Variants in DLL3 observed in about 807,000 individuals in gnomAD.
The protein encoded by DLL3 is delta like canonical Notch ligand 3, also known as delta-like protein 3.
A neutral mutation model predicts 55.0 loss-of-function variants in DLL3; 49 were observed. The ratio of observed to expected loss-of-function variants is 0.89; its 90% CI spans 0.71 to 1.13. The LOEUF (loss-of-function observed/expected upper bound fraction) is 1.13, where lower values mean the gene tolerates loss of function less well. Among genes scored for constraint, DLL3 ranks in the 50% most tolerant of loss-of-function variants. The pLI is 0.00. For missense variants in DLL3, 962 were observed against 875.5 expected, an observed-to-expected ratio of 1.10 and a Z score of -1.25; for synonymous variants, 421 against 385.2, an observed-to-expected ratio of 1.09 and a Z score of -1.09.
rs267605475 is a variant in DLL3, at chr19:39,499,461, G to C, written c.339G>C (p.Arg113=). 8 of 1,590,308 alleles carry C rather than the reference G, an allele frequency of 5.0e-6. No individual in the cohort carries two copies. Among genetic ancestry groups the C allele is most frequent in the African/African-American group, 1.3e-5 (1 of 74,854 alleles). Residue 113 remains arginine (R), a synonymous_variant, in exon 2 of 9, where the codon CGG becomes CGC. Transcript: ENST00000356433. ...LPDGLLQVPF[R]DAWPGTFSFI... ...ACGGCCTCTTGCAGGTGCCCTTCCG[G>C]GACGCCTGGCCTGTAAGTGCTGCCC...
At chr19:39,500,218 G>C (rs151162827) in intron 2 of DLL3, among the ~76,000 whole-genome samples, 2 of 150,742 alleles carry the variant, frequency 1.3e-5, no homozygotes, top group South Asian at 4.2e-4. Context: ...TCCTGAGCCC[G>C]GCAGTTTGAG....
chr19:39,502,934 C>A lies in DLL3; in HGVS notation c.529C>A (p.Arg177Ser), dbSNP rs2079618472. ...GGAGCTGCGCTTCTCGTACCGCGCG[C>A]GCTGCGAGCCGCCTGCCGTCGGGAC... ...AWELRFSYRARCEPPAVGTAC... is the reference protein window; with the variant it reads ...AWELRFSYRASCEPPAVGTAC... Residue 177 changes from arginine to serine, a missense_variant, in exon 4 of 9, where the codon CGC (arginine) becomes AGC (serine). By Grantham distance (110) the Arg-to-Ser change is moderately radical (BLOSUM62 -1). Coordinates refer to ENST00000356433, the MANE Select transcript of DLL3 (RefSeq NM_203486.3). 6.9e-7 allele frequency: 1 copy of A among 1,439,552 alleles called. No homozygotes were observed. 89.2% of individuals were successfully genotyped at this position (1,439,552 alleles called of 1,614,324 possible).
At chr19:39,505,109 C>T (rs1416781995) in intron 5 of DLL3, 120 bp from the exon 6 acceptor site, 7 of 988,302 alleles carry the variant, frequency 7.1e-6, no homozygotes, top group Non-Finnish European at 6.3e-6. Flanking sequence ...CCCAGGGTGG[C>T]CCCTGCATAG....
chr19:39,507,684 A>G (rs1043822603), intron 7 of DLL3, 66 bp downstream of exon 7: 11 of 1,587,056 alleles, frequency 6.9e-6, no homozygotes, highest in Non-Finnish European at 9.4e-6. Flanking sequence ...TCCGTGGTGC[A>G]GTTGGCCCGA....
chr19:39,499,427 C>A lies in DLL3; in HGVS notation c.305C>A (p.Pro102Gln). The change falls in exon 2 of 9, where the codon CCA (proline) becomes CAA (glutamine). Residue 102 changes from proline (P) to glutamine (Q), a missense_variant. By Grantham distance (76) the Pro-to-Gln change is moderately conservative (BLOSUM62 -1). Coordinates refer to ENST00000356433, the MANE Select transcript of DLL3 (RefSeq NM_203486.3). ...CCCGGAGCGCCCGCGCCTGATCTCC[C>A]ACTGCCCGACGGCCTCTTGCAGGTG... ...EQPGAPAPDL[P>Q]LPDGLLQVPF... 6.3e-7 allele frequency: 1 copy of A among 1,590,778 alleles called. No individual in the cohort carries two copies. The highest frequency in any genetic ancestry group is 2.2e-5 in the East Asian group (1 of 44,460).
chr19:39,499,145 G>C (rs1192746938), intron 1 of DLL3, 47 bp from the exon 2 acceptor site: 4 of 1,606,086 alleles, frequency 2.5e-6, no homozygotes, highest in Non-Finnish European at 3.4e-6. Flanking sequence ...CGGACGGGAA[G>C]CCTGGGTCCT....
chr19:39,506,993 G>C (rs1600757524), intron 6 of DLL3, 46 bp from the exon 7 acceptor site: 24 of 1,525,066 alleles, frequency 1.6e-5, no homozygotes, highest in Non-Finnish European at 2.0e-5. Context: ...GGGCAGGTGG[G>C]TCCCCGGCTC....
chr19:39,508,190 CG>C (rs1568452208), intron 8 of DLL3, 61 bp from the exon 9 acceptor site: 3 of 1,613,930 alleles, frequency 1.9e-6, no homozygotes. Flanking sequence ...TTGTACTCAG[CG>C]GGGAGGCAGG....
intron 5 of DLL3, among the ~76,000 whole-genome samples, chr19:39,504,526 G>C (rs1341552070): frequency 2.0e-5 from 3 of 152,212 alleles, no homozygotes; most frequent in African/African-American, 4.8e-5. Flanking sequence ...GAGTGGAAAT[G>C]ATGAGGAGCC....
chr19:39,499,310 G>T lies in DLL3; in HGVS notation c.188G>T (p.Cys63Phe). ...CCCTGCCGCCTCTTCTTCAGAGTCTGCCTGAAGCCTGGGCTCTCAGAGGAG... is the reference window on the plus strand; with the variant it reads ...CCCTGCCGCCTCTTCTTCAGAGTCTTCCTGAAGCCTGGGCTCTCAGAGGAG... ...RLPCRLFFRVCLKPGLSEEAA... is the reference protein window; with the variant it reads ...RLPCRLFFRVFLKPGLSEEAA... Residue 63 changes from cysteine (C) to phenylalanine (F), a missense_variant, in exon 2 of 9, where the codon TGC becomes TTC. Physicochemically the swap from Cys to Phe is radical, Grantham distance 205 (BLOSUM62 -2). Transcript: ENST00000356433. 6.5e-7 allele frequency: 1 copy of T among 1,544,776 alleles called. No individual in the cohort carries two copies. The highest frequency in any genetic ancestry group is 8.7e-7 in the Non-Finnish European group (1 of 1,149,548).
chr19:39,502,205 A>C (rs535250577), intron 3 of DLL3, among the ~76,000 whole-genome samples: 165 of 152,184 alleles, frequency 1.1e-3, no homozygotes, highest in East Asian at 2.9e-3. Flanking sequence ...AACAAAAAAA[A>C]AACAAATATC....
At position 39,507,719 on chromosome 19, in the gene DLL3, G is replaced by T. The variant is rs964409255; in HGVS notation, c.1673+101G>T. On this transcript the variant is annotated intron_variant, in intron 7 of 8. Coordinates refer to ENST00000356433, the MANE Select transcript of DLL3 (RefSeq NM_203486.3). ...ATTCCTTGATGCATTTCCCTGGTCGGTCTCTCTTACCCCGGTAGCTGGTTT... is the reference window on the plus strand; with the variant it reads ...ATTCCTTGATGCATTTCCCTGGTCGTTCTCTCTTACCCCGGTAGCTGGTTT... 5.6e-6 allele frequency: 9 copies of T among 1,598,540 alleles called. No homozygotes were observed. The Admixed American group carries it at 1.0e-4, about 18-fold the overall frequency.
At position 39,502,844 on chromosome 19, in the gene DLL3, G is replaced by C. The variant is rs1374633544; in HGVS notation, c.439G>C (p.Ala147Pro). The change falls in exon 4 of 9, where the codon GCT (alanine) becomes CCT (proline). Residue 147 changes from alanine to proline, a missense_variant. Physicochemically the swap from Ala to Pro is conservative, Grantham distance 27. Coordinates refer to ENST00000356433, the MANE Select transcript of DLL3 (RefSeq NM_203486.3). ...CGCCTGGAGCCTGCTGGCGCGCGTG[G>C]CTGGCAGGCGGCGCTTGGCAGCCGG... ...GPAWSLLARVAGRRRLAAGGP... is the reference protein window; with the variant it reads ...GPAWSLLARVPGRRRLAAGGP... 1 of 1,418,440 alleles carries C rather than the reference G, an allele frequency of 7.1e-7. No homozygotes were observed. The highest frequency in any genetic ancestry group is 9.2e-7 in the Non-Finnish European group (1 of 1,091,810). 87.9% of individuals were successfully genotyped at this position (1,418,440 alleles called of 1,614,324 possible).
chr19:39,507,987 C>T, intron 8 of DLL3, 73 bp downstream of exon 8: 1 of 1,613,830 alleles, frequency 6.2e-7, no homozygotes, highest in South Asian at 1.1e-5. Context: ...TTTTCCCTAC[C>T]CTTCCTCGAT....
chr19:39,505,658 C>T, intron 6 of DLL3: 1 of 592,198 alleles, frequency 1.7e-6, no homozygotes, highest in Non-Finnish European at 3.0e-6. Context: ...GTGCCAGGCC[C>T]TATTCTAGGC....
chr19:39,507,954 G>T, intron 8 of DLL3, 40 bp downstream of exon 8: 2 of 1,614,024 alleles, frequency 1.2e-6, no homozygotes, highest in Non-Finnish European at 1.7e-6. Flanking sequence ...CACTGGGCGC[G>T]CTGGGCAGAG....
At chr19:39,507,986 C>T (rs766679747) in intron 8 of DLL3, 72 bp downstream of exon 8, 1 of 1,613,698 alleles carries the variant, frequency 6.2e-7, no homozygotes, top group African/African-American at 1.3e-5. Flanking sequence ...TTTTTCCCTA[C>T]CCTTCCTCGA....
chr19:39,502,867 C>A lies in DLL3; in HGVS notation c.462C>A (p.Ala154=). The A allele has an allele frequency of 1.4e-6, 2 of 1,417,566 alleles. No individual in the cohort carries two copies. The highest frequency in any genetic ancestry group is 1.5e-5 in the South Asian group (1 of 68,240). The allele number at this position is 1,417,566 out of a possible 1,614,324, so 87.8% of individuals were successfully genotyped here. A position where few individuals can be genotyped will look rare whatever the true frequency, so the allele number is the denominator to read the frequency against. The change falls in exon 4 of 9, where the codon GCC becomes GCA. Residue 154 remains alanine (A), a synonymous_variant. Transcript: ENST00000356433. Reference sequence around the variant, plus strand: ...TGGCTGGCAGGCGGCGCTTGGCAGCCGGAGGCCCGTGGGCCCGGGACATTC... The same window carrying A: ...TGGCTGGCAGGCGGCGCTTGGCAGCAGGAGGCCCGTGGGCCCGGGACATTC... ...ARVAGRRRLA[A]GGPWARDIQR...
chr19:39,503,027 G>C lies in DLL3; in HGVS notation c.622G>C (p.Ala208Pro), dbSNP rs1343894194. The C allele has an allele frequency of 3.3e-6, 5 of 1,516,228 alleles. No individual in the cohort carries two copies. The African/African-American group carries it at 4.2e-5, about 13-fold the overall frequency. The allele number at this position is 1,516,228 out of a possible 1,614,324, so 93.9% of individuals were successfully genotyped here. ...GTGCGGTCCGGGACTGCGCCCCTGC[G>C]CACCGCTCGAGGACGAATGTGAGGC... ...SRCGPGLRPC[A>P]PLEDECEAPL... Residue 208 changes from alanine (A) to proline (P), a missense_variant, in exon 4 of 9, where the codon GCA (alanine) becomes CCA (proline). Physicochemically the swap from Ala to Pro is conservative, Grantham distance 27 (BLOSUM62 -1). Transcript: ENST00000356433.
Sources: allele counts gnomAD v4.1 joint callset (sites outside exome capture counted in the v4.1 genomes callset), GRCh38; gene constraint gnomAD v4.1.1; transcripts MANE v1.5; gene names NCBI Gene and HGNC (gene_info 2026-07-23, HGNC 2026-07-21).